The following BRWD1 variants were observed in gnomAD, a reference collection of about 807,000 sequenced individuals.
BRWD1 encodes the protein bromodomain and WD repeat-containing protein 1.
BRWD1 carries 82 observed loss-of-function variants against 251.2 expected under a neutral mutation model. That is an observed-to-expected ratio of 0.33 (90% CI 0.27 to 0.39). The LOEUF (loss-of-function observed/expected upper bound fraction) is 0.39. Ranked by LOEUF, BRWD1 falls within the 10% of genes least tolerant of loss-of-function variation. The pLI is 1.00. For missense variants in BRWD1, 2,233 were observed against 2,711.6 expected (o/e 0.82, Z 3.92); for synonymous variants, 918 against 902.8 (o/e 1.02, Z -0.30).
At chr21:39,306,755 A>G (rs1230461656) in intron 4 of BRWD1, among the ~76,000 whole-genome samples, 1 of 152,252 alleles carries the variant, frequency 6.6e-6, no homozygotes, top group Admixed American at 6.5e-5. Flanking sequence ...AATTGCAAGT[A>G]GTCATTTTTC....
At chr21:39,221,511 A>G (rs746689063) in intron 29 of BRWD1, among the ~76,000 whole-genome samples, 1 of 152,188 alleles carries the variant, frequency 6.6e-6, no homozygotes, top group Non-Finnish European at 1.5e-5. Context: ...CTAATGAAAC[A>G]GTAAAAGAAA....
In BRWD1 at chr21:39,216,363, A is replaced by T. The variant is rs187514710; in HGVS notation, c.3660-1001T>A. On this transcript the variant is annotated intron_variant, in intron 31 of 40. Coordinates refer to ENST00000342449, the MANE Select transcript of BRWD1 (RefSeq NM_033656.4). ...ATAGAAATTTAAACATACAAAGAAA[A>T]AAAATAAAGTTATCTAACAACTTAA... is the stretch of plus-strand genomic sequence containing the variant. 3.0e-3 allele frequency among the ~76,000 whole-genome samples: 461 copies of T among 151,974 alleles called. 2 individuals are homozygous for T. The highest frequency in any genetic ancestry group is 0.011 in the African/African-American group (441 of 41,280).
chr21:39,259,470 C>CTT (rs200248468), intron 17 of BRWD1, among the ~76,000 whole-genome samples: 3 of 151,664 alleles, frequency 2.0e-5, no homozygotes, highest in Non-Finnish European at 2.9e-5. Flanking sequence ...TTTTGTATTT[C>CTT]TTTTTTTTCA....
chr21:39,309,254 G>A (rs1263093422), intron 4 of BRWD1, among the ~76,000 whole-genome samples: 1 of 150,958 alleles, frequency 6.6e-6, no homozygotes, highest in Non-Finnish European at 1.5e-5. Flanking sequence ...TTTGAGACCA[G>A]CCTGGACAAC....
intron 21 of BRWD1, among the ~76,000 whole-genome samples, chr21:39,245,679 A>G (rs1171836744): frequency 6.6e-6 from 1 of 151,086 alleles, no homozygotes; most frequent in East Asian, 1.9e-4. Flanking sequence ...GGCTCACTGC[A>G]ACATCCACCT....
intron 21 of BRWD1, among the ~76,000 whole-genome samples, chr21:39,246,359 T>C (rs2034188472): frequency 6.6e-6 from 1 of 152,122 alleles, no homozygotes; most frequent in African/African-American, 2.4e-5. Flanking sequence ...AATGGAATAA[T>C]AACAATCATT....
At chr21:39,250,925 A>G (rs1210162435) in intron 19 of BRWD1, 36 bp from the exon 20 acceptor site, 1 of 1,250,020 alleles carries the variant, frequency 8.0e-7, no homozygotes, top group East Asian at 2.4e-5. Flanking sequence ...TTAACTACTG[A>G]ACTGATGGAT....
intron 5 of BRWD1, chr21:39,297,114 G>A (rs1280062956): frequency 8.1e-6 from 8 of 985,108 alleles, no homozygotes; most frequent in Admixed American, 6.2e-5. Context: ...ACCAGCAAAT[G>A]CACTAAGAAA....
intron 1 of BRWD1, among the ~76,000 whole-genome samples, chr21:39,319,525 G>C (rs1218373264): frequency 6.6e-6 from 1 of 152,188 alleles, no homozygotes; most frequent in East Asian, 1.9e-4. Context: ...TCTTGGCTCG[G>C]ATATTTTTCT....
At chr21:39,272,301 T>TAAAAAAA (rs746781112) in intron 13 of BRWD1, among the ~76,000 whole-genome samples, 3 of 104,600 alleles carry the variant, frequency 2.9e-5, no homozygotes, top group Non-Finnish European at 4.2e-5. Flanking sequence ...CCCTAAAACT[T>TAAAAAAA]AAATAAATAA....
intron 38 of BRWD1, among the ~76,000 whole-genome samples, chr21:39,200,810 C>G (rs574298059): frequency 6.6e-6 from 1 of 152,166 alleles, no homozygotes; most frequent in East Asian, 1.9e-4. Flanking sequence ...AATAGTGAAA[C>G]CCCATCTCTA....
At chr21:39,212,530 AATTTCTCCC>A in intron 34 of BRWD1, 127 bp downstream of exon 34, 1 of 658,114 alleles carries the variant, frequency 1.5e-6, no homozygotes, top group South Asian at 2.0e-5. Flanking sequence ...TCTTTCCAGT[AATTTCTCCC>A]ATTTTGCTAA....
intron 19 of BRWD1, among the ~76,000 whole-genome samples, chr21:39,251,160 T>C (rs1414980944): frequency 1.3e-5 from 2 of 152,320 alleles, no homozygotes; most frequent in South Asian, 2.1e-4. Context: ...TCTCCCATAA[T>C]AGCTTTTCAA....
chr21:39,194,231 G>A lies in BRWD1; in HGVS notation c.*2028C>T, dbSNP rs2031696999. 1 of 983,090 alleles carries A rather than the reference G, an allele frequency of 1.0e-6. No homozygotes were observed. Among genetic ancestry groups the A allele is most frequent in the Non-Finnish European group, 1.2e-6 (1 of 826,532 alleles). 60.9% of individuals were successfully genotyped at this position (983,090 alleles called of 1,614,324 possible). A position where few individuals can be genotyped will look rare whatever the true frequency, so the allele number is the denominator to read the frequency against. On this transcript the variant is annotated 3_prime_UTR_variant, in exon 41 of 41. Coordinates refer to ENST00000342449, the MANE Select transcript of BRWD1 (RefSeq NM_033656.4). ...ATTGTTTTATACCAAAAGAATGTAT[G>A]TACTTATGAATGTATTCCATATTTA...
At chr21:39,209,299 A>G (rs1396562167) in intron 36 of BRWD1, among the ~76,000 whole-genome samples, 1 of 152,146 alleles carries the variant, frequency 6.6e-6, no homozygotes, top group Non-Finnish European at 1.5e-5. Flanking sequence ...TTTAAAAAAA[A>G]ATAAAAAATA....
upstream of BRWD1, chr21:39,314,500 A>G (rs1362454777): frequency 5.5e-6 from 2 of 363,318 alleles, no homozygotes; most frequent in Non-Finnish European, 1.1e-5. Flanking sequence ...GAAACTAGGG[A>G]GTCATGTGCA....
intron 8 of BRWD1, among the ~76,000 whole-genome samples, chr21:39,281,101 T>G (rs1045595087): frequency 2.6e-5 from 4 of 152,180 alleles, no homozygotes; most frequent in Non-Finnish European, 4.4e-5. Flanking sequence ...AACAAAGATC[T>G]ATATGAACAA....
chr21:39,263,088 G>A (rs1176691448), intron 17 of BRWD1, among the ~76,000 whole-genome samples: 2 of 152,090 alleles, frequency 1.3e-5, no homozygotes, highest in Non-Finnish European at 2.9e-5. Context: ...CTGGGGAAAC[G>A]AGTAAGACCC....
chr21:39,242,789 T>C (rs1341833102), intron 21 of BRWD1, among the ~76,000 whole-genome samples: 1 of 152,192 alleles, frequency 6.6e-6, no homozygotes, highest in African/African-American at 2.4e-5. Context: ...CTGCTCTGCC[T>C]GAGCATAAGA....
Sources: allele counts gnomAD v4.1 joint callset (sites outside exome capture counted in the v4.1 genomes callset), GRCh38; gene constraint gnomAD v4.1.1; transcripts MANE v1.5; gene names NCBI Gene and HGNC (gene_info 2026-07-23, HGNC 2026-07-21).